The following FSHR variants were observed in gnomAD, a reference collection of about 807,000 sequenced individuals.
The protein encoded by FSHR is follicle stimulating hormone receptor.
A neutral mutation model predicts 52.1 loss-of-function variants in FSHR; 46 were observed. That is an observed-to-expected ratio of 0.88 (90% confidence interval 0.70 to 1.13). The LOEUF is 1.13. Among genes scored for constraint, FSHR ranks in the 50% most tolerant of loss-of-function variants. The pLI, the probability that FSHR is intolerant of heterozygous loss-of-function variation, is 0.00. For missense variants in FSHR, 964 were observed against 834.6 expected (o/e 1.16, Z -1.91); for synonymous variants, 399 against 309.6 (o/e 1.29, Z -3.03).
intron 1 of FSHR, among the ~76,000 whole-genome samples, chr2:49,121,796 AT>A (rs5831024): frequency 0.25 from 37,409 of 150,342 alleles, 4,946 homozygotes; most frequent in East Asian, 0.47. Context: ...AATAGCAAAG[AT>A]TTTTTTTTTT....
chr2:49,098,847 A>C (rs1331728769), intron 1 of FSHR, among the ~76,000 whole-genome samples: 1 of 146,504 alleles, frequency 6.8e-6, no homozygotes, highest in African/African-American at 2.5e-5. Context: ...ATTATATTAT[A>C]TATACTTTAT....
intron 1 of FSHR, among the ~76,000 whole-genome samples, chr2:49,144,633 C>T (rs1338481412): frequency 1.6e-5 from 2 of 128,776 alleles, no homozygotes; most frequent in Admixed American, 8.0e-5. Context: ...TTTCTAATGT[C>T]CTCTCCAATG....
chr2:49,073,701 T>G (rs1215003719), intron 1 of FSHR, among the ~76,000 whole-genome samples: 3 of 152,026 alleles, frequency 2.0e-5, no homozygotes, highest in Non-Finnish European at 4.4e-5. Flanking sequence ...CTTAAAATTT[T>G]GTGGAACCAC....
At chr2:48,987,493 A>AGCCAC (rs1367184723) in intron 6 of FSHR, among the ~76,000 whole-genome samples, 1 of 152,010 alleles carries the variant, frequency 6.6e-6, no homozygotes, top group Non-Finnish European at 1.5e-5. Context: ...TACAGGCATG[A>AGCCAC]GCCACCACGC....
At chr2:49,092,281 G>A (rs963987895) in intron 1 of FSHR, among the ~76,000 whole-genome samples, 11 of 152,258 alleles carry the variant, frequency 7.2e-5, no homozygotes, top group Non-Finnish European at 1.3e-4. Context: ...GACCCATTGC[G>A]TGGTTTTTCT....
intron 1 of FSHR, among the ~76,000 whole-genome samples, chr2:49,101,880 G>C (rs1335243121): frequency 1.3e-5 from 2 of 152,104 alleles, no homozygotes; most frequent in African/African-American, 4.8e-5. Context: ...GTGGCACAGG[G>C]TATTATATGG....
At chr2:48,972,000 C>T (rs910076461) in intron 8 of FSHR, among the ~76,000 whole-genome samples, 5 of 152,216 alleles carry the variant, frequency 3.3e-5, no homozygotes, top group Non-Finnish European at 7.3e-5. Context: ...AATTTATATG[C>T]TGATGGCGCT....
chr2:49,054,917 G>T (rs933935819), intron 2 of FSHR, among the ~76,000 whole-genome samples: 10 of 152,008 alleles, frequency 6.6e-5, no homozygotes, highest in Non-Finnish European at 2.9e-5. Context: ...TCATAAAATT[G>T]GAACAGGTGA....
chr2:49,100,639 T>C (rs1000643267), intron 1 of FSHR, among the ~76,000 whole-genome samples: 2 of 152,178 alleles, frequency 1.3e-5, no homozygotes, highest in Non-Finnish European at 2.9e-5. Flanking sequence ...TAAGTAAAAG[T>C]GGAGCAGAGA....
chr2:49,140,479 C>T (rs532083058), intron 1 of FSHR, among the ~76,000 whole-genome samples: 19 of 152,276 alleles, frequency 1.2e-4, no homozygotes, highest in African/African-American at 4.3e-4. Flanking sequence ...AATTAAACCT[C>T]TTTTCATCAT....
intron 8 of FSHR, among the ~76,000 whole-genome samples, chr2:48,973,275 CATGCAA>C (rs1209583496): frequency 1.3e-5 from 2 of 152,006 alleles, no homozygotes; most frequent in East Asian, 1.9e-4. Context: ...CACACATGCA[CATGCAA>C]ATGCACATGC....
chr2:49,115,794 T>C (rs1671576700), intron 1 of FSHR, among the ~76,000 whole-genome samples: 1 of 152,158 alleles, frequency 6.6e-6, no homozygotes, highest in Non-Finnish European at 1.5e-5. Flanking sequence ...TGCAAAGTGC[T>C]GGAGCTAAAA....
rs70946839 is a variant in FSHR at position 48,985,697 on chromosome 2, G to GTTTTTTTTTTTTTTTTTTTT, written c.525-2551_525-2532dup. On this transcript the variant is annotated intron_variant, in intron 6 of 9. Transcript: ENST00000406846. ...TTCAGTTTCAGGGGAGCAAGTACAG[G>GTTTTTTTTTTTTTTTTTTTT]TTTTTTTTTTTTTTTTTTTTTTTTT... Among the ~76,000 whole-genome samples, 27 of 99,540 alleles carry GTTTTTTTTTTTTTTTTTTTT rather than the reference G, an allele frequency of 2.7e-4. 12 individuals carry two copies. The highest frequency in any genetic ancestry group is 3.6e-4 in the Admixed American group (3 of 8,400). 65.3% of individuals were successfully genotyped at this position (99,540 alleles called of 152,430 possible). A position where few individuals can be genotyped will look rare whatever the true frequency, so the allele number is the denominator to read the frequency against.
intron 1 of FSHR, among the ~76,000 whole-genome samples, chr2:49,115,819 TA>T (rs1671577688): frequency 6.6e-6 from 1 of 152,154 alleles, no homozygotes; most frequent in South Asian, 2.1e-4. Flanking sequence ...GAATATGATA[TA>T]AATGTTACTG....
At chr2:49,133,090 A>T (rs1187937418) in intron 1 of FSHR, among the ~76,000 whole-genome samples, 1 of 151,972 alleles carries the variant, frequency 6.6e-6, no homozygotes, top group Non-Finnish European at 1.5e-5. Context: ...GCAGTAAAGA[A>T]CACAGAGTTC....
At chr2:49,022,436 C>T (rs1667759534) in intron 2 of FSHR, among the ~76,000 whole-genome samples, 1 of 152,102 alleles carries the variant, frequency 6.6e-6, no homozygotes, top group African/African-American at 2.4e-5. Context: ...AGGGTACAGT[C>T]ATGGAAAAGT....
intron 4 of FSHR, among the ~76,000 whole-genome samples, chr2:49,011,039 T>C (rs1389642877): frequency 1.3e-5 from 2 of 151,282 alleles, no homozygotes; most frequent in East Asian, 3.9e-4. Flanking sequence ...TCAGTTCTGC[T>C]CTGATTTTAG....
In FSHR at chr2:48,977,221, A is replaced by G. The variant is rs114863763; in HGVS notation, c.668+5691T>C. 6.9e-3 allele frequency among the ~76,000 whole-genome samples: 1,044 copies of G among 152,316 alleles called. 9 individuals carry two copies. The highest frequency in any genetic ancestry group is 0.024 in the African/African-American group (1,005 of 41,552). Reference sequence around the variant, plus strand: ...GCTTAGAGAGAGGCCCAGAACATAAATCATGGCACAGTGAGGGAGGGTTAT... The same window carrying G: ...GCTTAGAGAGAGGCCCAGAACATAAGTCATGGCACAGTGAGGGAGGGTTAT... On this transcript the variant is annotated intron_variant, in intron 8 of 9. Transcript: ENST00000406846.
intron 2 of FSHR, among the ~76,000 whole-genome samples, chr2:49,026,615 C>T (rs1183068949): frequency 1.3e-5 from 2 of 152,130 alleles, no homozygotes; most frequent in African/African-American, 4.8e-5. Context: ...ATATTACTGC[C>T]CTTATCTTGC....
Sources: gnomAD v4.1 joint callset for allele counts (sites outside exome capture counted in the v4.1 genomes callset) on GRCh38, gnomAD v4.1.1 for gene constraint, MANE v1.5 for transcripts, NCBI Gene and HGNC (gene_info 2026-07-23, HGNC 2026-07-21) for gene names.